Variants in ZNF717 observed in about 807,000 individuals in gnomAD.
The protein encoded by ZNF717 is zinc finger protein 717.
Under a neutral mutation model 13.8 loss-of-function variants are expected in ZNF717, and 9 were observed. The observed-to-expected ratio is 0.65, with a 90% CI of 0.39 to 1.14. The LOEUF is 1.14. Ranked by LOEUF, ZNF717 falls within the 50% of genes most tolerant of loss-of-function variation. The pLI is 0.01. For missense variants in ZNF717, 1,040 were observed against 1,080.7 expected (o/e 0.96, Z 0.53); for synonymous variants, 327 against 364.1 (o/e 0.90, Z 1.16).
At chr3:75,729,615 CAAAAAAAAAAAAA>C (rs369485280), downstream of ZNF717, among the ~76,000 whole-genome samples, 542 of 115,160 alleles carry the variant, frequency 4.7e-3, no homozygotes, top group African/African-American at 0.018. Context: ...AACTCCATAT[CAAAAAAAAAAAAA>C]AAAAAAAAAG....
At chr3:75,778,459 A>G (rs542713069) in intron 2 of ZNF717, among the ~76,000 whole-genome samples, 1 of 152,056 alleles carries the variant, frequency 6.6e-6, no homozygotes, top group South Asian at 2.1e-4. Flanking sequence ...GATGTGCTAG[A>G]CCAGAAACCC....
At chr3:75,762,686 T>C (rs1401114625) in intron 2 of ZNF717, among the ~76,000 whole-genome samples, 2 of 152,158 alleles carry the variant, frequency 1.3e-5, no homozygotes, top group African/African-American at 2.4e-5. Context: ...AATGACATTT[T>C]TGATAAACAG....
intron 2 of ZNF717, among the ~76,000 whole-genome samples, chr3:75,760,409 C>G (rs1942892131): frequency 6.6e-6 from 1 of 152,210 alleles, no homozygotes; most frequent in African/African-American, 2.4e-5. Flanking sequence ...AAAACAGAAG[C>G]ACAATTCATT....
chr3:75,776,865 T>C (rs1944361218), intron 2 of ZNF717, among the ~76,000 whole-genome samples: 1 of 152,162 alleles, frequency 6.6e-6, no homozygotes, highest in Admixed American at 6.5e-5. Context: ...GGAGAAAACA[T>C]GGGGTATTAT....
chr3:75,767,263 C>CTCCAGCAACACACACTCCTA (rs1943551944), intron 2 of ZNF717, among the ~76,000 whole-genome samples: 40 of 151,166 alleles, frequency 2.6e-4, no homozygotes, highest in South Asian at 8.4e-4. Context: ...ACTAGTGAGC[C>CTCCAGCAACACACACTCCTA]ACCCTGCACA....
At chr3:75,709,168 T>G (rs1280083361), downstream of ZNF717, among the ~76,000 whole-genome samples, 1 of 152,016 alleles carries the variant, frequency 6.6e-6, no homozygotes, top group African/African-American at 2.4e-5. Flanking sequence ...CCAGCTATTT[T>G]TTTGTATTTT....
At chr3:75,742,341 A>G (rs1212268004) in intron 2 of ZNF717, among the ~76,000 whole-genome samples, 1 of 147,222 alleles carries the variant, frequency 6.8e-6, no homozygotes, top group Non-Finnish European at 1.5e-5. Flanking sequence ...AAAAAAAAAG[A>G]ATAAAATTCT....
At chr3:75,765,013 ATATATATATATATATATG>A (rs1358492202) in intron 2 of ZNF717, among the ~76,000 whole-genome samples, 1 of 19,568 alleles carries the variant, frequency 5.1e-5, no homozygotes, top group African/African-American at 1.4e-4. Context: ...ATATATATAT[ATATATATATATATATATG>A]TATATGTGTG....
At chr3:75,731,990 T>C (rs1350958775), downstream of ZNF717, 6 of 694,346 alleles carry the variant, frequency 8.6e-6, no homozygotes, top group African/African-American at 3.5e-5. Context: ...AGGTTCCATA[T>C]GGACAACTCA....
At chr3:75,766,103 T>A (rs1943443493) in intron 2 of ZNF717, among the ~76,000 whole-genome samples, 1 of 151,998 alleles carries the variant, frequency 6.6e-6, no homozygotes. Context: ...CAAGACCCTG[T>A]CTTAAAAAAA....
At chr3:75,742,682 C>G (rs1376690299) in intron 2 of ZNF717, among the ~76,000 whole-genome samples, 3 of 152,134 alleles carry the variant, frequency 2.0e-5, no homozygotes, top group African/African-American at 7.2e-5. Context: ...AAGCTAAATG[C>G]AATATTTAAG....
Position 75,741,599 on chromosome 3 carries a change from G to C in ZNF717, c.184+11C>G. On this transcript the variant is annotated intron_variant, in intron 3 of 4. Transcript: ENST00000652011. ...ATACAATCCTGGGAGTTACTGGCAA[G>C]TTTCACTCACCCAATGATACCAGGC... 1 of 1,591,638 alleles carries C rather than the reference G, an allele frequency of 6.3e-7. No individual in the cohort carries two copies. The highest frequency in any genetic ancestry group is 1.1e-5 in the South Asian group (1 of 89,562).
At chr3:75,713,472 C>A (rs1467356975) in intron 5 of ZNF717, among the ~76,000 whole-genome samples, 1 of 152,050 alleles carries the variant, frequency 6.6e-6, no homozygotes, top group African/African-American at 2.4e-5. Context: ...GAATTTTAAA[C>A]TTGTAGTAAC....
At chr3:75,742,648 A>G (rs1372890675) in intron 2 of ZNF717, among the ~76,000 whole-genome samples, 4 of 152,210 alleles carry the variant, frequency 2.6e-5, no homozygotes, top group Non-Finnish European at 4.4e-5. Flanking sequence ...CCATGCCTAG[A>G]TGAATGATCC....
chr3:75,724,231 C>T (rs1938230085), intron 4 of ZNF717, among the ~76,000 whole-genome samples: 4 of 152,090 alleles, frequency 2.6e-5, no homozygotes, highest in African/African-American at 9.6e-5. Context: ...CATTCTGGGC[C>T]ACTACTAGTC....
chr3:75,744,702 G>C (rs2107264389), intron 2 of ZNF717, among the ~76,000 whole-genome samples: 1 of 152,196 alleles, frequency 6.6e-6, no homozygotes, highest in Non-Finnish European at 1.5e-5. Flanking sequence ...GCTTCACCAG[G>C]CTCCTGTGAC....
chr3:75,741,631 A>C lies in ZNF717; in HGVS notation c.163T>G (p.Tyr55Asp). Residue 55 changes from tyrosine to aspartate, a missense_variant, in exon 3 of 5, where the codon TAC becomes GAC. Coordinates refer to ENST00000652011, the MANE Select transcript of ZNF717 (RefSeq NM_001290208.3). Reference protein sequence around the residue: ...TLYRDVMLETYSSLVSLGHYI... With the variant: ...TLYRDVMLETDSSLVSLGHYI... ...TCACCCAATGATACCAGGCTGCTGT[A>C]GGTCTCCAGCATCACGTCCCTGTAC... 1 of 1,607,378 alleles carries C rather than the reference A, an allele frequency of 6.2e-7. No individual in the cohort carries two copies. Among genetic ancestry groups the C allele is most frequent in the Non-Finnish European group, 8.5e-7 (1 of 1,175,814 alleles).
At chr3:75,717,290 T>C (rs1196988353) in intron 4 of ZNF717, among the ~76,000 whole-genome samples, 1 of 152,258 alleles carries the variant, frequency 6.6e-6, no homozygotes, top group African/African-American at 2.4e-5. Context: ...AACAGACACA[T>C]CCAAATACAC....
intron 2 of ZNF717, among the ~76,000 whole-genome samples, chr3:75,765,536 G>A (rs148507145): frequency 0.027 from 4,105 of 152,088 alleles, 90 homozygotes; most frequent in African/African-American, 0.092. Context: ...TCAGCCTCCC[G>A]AATAGTTGGG....
Sources: gnomAD v4.1 joint callset for allele counts (sites outside exome capture counted in the v4.1 genomes callset) on GRCh38, gnomAD v4.1.1 for gene constraint, MANE v1.5 for transcripts, NCBI Gene and HGNC (gene_info 2026-07-23, HGNC 2026-07-21) for gene names.